Variants in TOX observed in about 807,000 individuals in gnomAD.
TOX encodes thymocyte selection associated high mobility group box, also known as thymocyte selection-associated high mobility group box protein TOX.
TOX carries 11 observed loss-of-function variants against 53.7 expected under a neutral mutation model. The ratio of observed to expected loss-of-function variants is 0.20; its 90% CI spans 0.13 to 0.34. The LOEUF (loss-of-function observed/expected upper bound fraction) is 0.34, where lower values mean the gene tolerates loss of function less well. Among genes scored for constraint, TOX ranks in the 10% least tolerant of loss-of-function variants. The pLI, the probability that TOX is intolerant of heterozygous loss-of-function variation, is 1.00. For synonymous variants in TOX, 225 were observed against 245.3 expected (o/e 0.92, Z 0.77); for missense variants, 570 against 664.6 (o/e 0.86, Z 1.56).
At chr8:58,925,339 T>A (rs745894972) in intron 3 of TOX, among the ~76,000 whole-genome samples, 16 of 152,172 alleles carry the variant, frequency 1.1e-4, no homozygotes, top group Admixed American at 2.6e-4. Context: ...TTCAAGAGAA[T>A]TAAGCATTCA....
chr8:59,115,617 C>G (rs942311210), intron 1 of TOX, among the ~76,000 whole-genome samples: 3 of 152,146 alleles, frequency 2.0e-5, no homozygotes, highest in African/African-American at 4.8e-5. Context: ...CTTTCAATGT[C>G]TGAAATATAA....
chr8:58,929,744 G>A (rs1477954905), intron 3 of TOX, among the ~76,000 whole-genome samples: 3 of 152,028 alleles, frequency 2.0e-5, no homozygotes, highest in Non-Finnish European at 4.4e-5. Flanking sequence ...GGCAAGCTGA[G>A]ATATAATCAT....
intron 2 of TOX, among the ~76,000 whole-genome samples, chr8:58,947,620 A>AGG (rs1314425690): frequency 6.6e-6 from 1 of 152,210 alleles, no homozygotes; most frequent in Non-Finnish European, 1.5e-5. Context: ...AAAAAGACAC[A>AGG]GTTTGTTATA....
chr8:59,085,790 T>G (rs940018705), intron 1 of TOX, among the ~76,000 whole-genome samples: 1 of 152,146 alleles, frequency 6.6e-6, no homozygotes, highest in Admixed American at 6.5e-5. Context: ...AATCAAATGA[T>G]CCTAGCATTT....
At chr8:59,102,087 A>G (rs1344785328) in intron 1 of TOX, among the ~76,000 whole-genome samples, 1 of 152,194 alleles carries the variant, frequency 6.6e-6, no homozygotes, top group Non-Finnish European at 1.5e-5. Flanking sequence ...TTTGCAAAAG[A>G]AAGAGGTTTA....
At chr8:59,077,137 G>T (rs1285551114) in intron 1 of TOX, among the ~76,000 whole-genome samples, 1 of 152,218 alleles carries the variant, frequency 6.6e-6, no homozygotes, top group African/African-American at 2.4e-5. Context: ...AGGCAGCTCT[G>T]CTCTGGGATG....
At chr8:58,850,639 T>C (rs1486678886) in intron 4 of TOX, among the ~76,000 whole-genome samples, 2 of 152,180 alleles carry the variant, frequency 1.3e-5, no homozygotes, top group Non-Finnish European at 2.9e-5. Flanking sequence ...CTGCAATCTC[T>C]AAAAATTAGC....
At chr8:59,076,664 A>T (rs1017908451) in intron 1 of TOX, among the ~76,000 whole-genome samples, 1 of 152,086 alleles carries the variant, frequency 6.6e-6, no homozygotes, top group Non-Finnish European at 1.5e-5. Flanking sequence ...TTTTATGCTA[A>T]TTTTTTTGCA....
At chr8:59,095,536 A>T (rs1804699626) in intron 1 of TOX, among the ~76,000 whole-genome samples, 1 of 151,868 alleles carries the variant, frequency 6.6e-6, no homozygotes, top group African/African-American at 2.4e-5. Context: ...CCTCCCAAGT[A>T]GCTGGGATTA....
chr8:59,078,279 G>C (rs1004209990), intron 1 of TOX, among the ~76,000 whole-genome samples: 1 of 152,146 alleles, frequency 6.6e-6, no homozygotes, highest in African/African-American at 2.4e-5. Context: ...GGACAGCATC[G>C]AGGCAGTTTG....
At chr8:59,108,847 A>ACACTATGC (rs368749050) in intron 1 of TOX, among the ~76,000 whole-genome samples, 15 of 152,308 alleles carry the variant, frequency 9.8e-5, no homozygotes, top group African/African-American at 3.6e-4. Flanking sequence ...AACTACACCA[A>ACACTATGC]CACTATGCCT....
At chr8:59,035,941 C>T (rs1814450255) in intron 1 of TOX, among the ~76,000 whole-genome samples, 1 of 152,222 alleles carries the variant, frequency 6.6e-6, no homozygotes, top group Non-Finnish European at 1.5e-5. Context: ...CTATTATCCT[C>T]ACTTTACAGA....
chr8:58,978,593 C>T (rs1429964509), intron 1 of TOX, among the ~76,000 whole-genome samples: 1 of 152,162 alleles, frequency 6.6e-6, no homozygotes, highest in East Asian at 1.9e-4. Flanking sequence ...AAAATCTACA[C>T]TTTAAGAGCA....
At chr8:59,078,796 G>A (rs1038843624) in intron 1 of TOX, among the ~76,000 whole-genome samples, 2 of 152,164 alleles carry the variant, frequency 1.3e-5, no homozygotes, top group African/African-American at 4.8e-5. Flanking sequence ...GAAGAAGACA[G>A]GAAGATGAAG....
chr8:58,946,145 A>G (rs1812519786), intron 2 of TOX, among the ~76,000 whole-genome samples: 1 of 152,216 alleles, frequency 6.6e-6, no homozygotes, highest in Admixed American at 6.5e-5. Flanking sequence ...AATCTGTAAC[A>G]TAATTCCTGA....
At chr8:59,093,752 T>C (rs1202783372) in intron 1 of TOX, among the ~76,000 whole-genome samples, 1 of 152,236 alleles carries the variant, frequency 6.6e-6, no homozygotes, top group African/African-American at 2.4e-5. Flanking sequence ...ATTTGATAAC[T>C]TGATTGTTGA....
chr8:59,049,692 G>A (rs1393258332), intron 1 of TOX, among the ~76,000 whole-genome samples: 3 of 152,058 alleles, frequency 2.0e-5, no homozygotes, highest in African/African-American at 4.8e-5. Flanking sequence ...GATTTCAATA[G>A]GATTTTAAAC....
At chr8:59,080,469 C>G (rs552970356) in intron 1 of TOX, among the ~76,000 whole-genome samples, 1 of 152,234 alleles carries the variant, frequency 6.6e-6, no homozygotes, top group African/African-American at 2.4e-5. Context: ...TGAGTTAAGA[C>G]TTTTGGGGAC....
rs184235210 is a variant in TOX, at chr8:58,988,842, G to C, written c.103-28834C>G. Among the ~76,000 whole-genome samples the C allele has an allele frequency of 7.7e-4, 118 of 152,270 alleles. 1 individual carries two copies. In the South Asian group the frequency reaches 8.1e-3, roughly 10 times the overall value. ...TGTACATGCCTAGAGCCAAACCAAT[G>C]GTCAGGTAGTTGGTCCTCTTCTGCA... On this transcript the variant is annotated intron_variant, in intron 1 of 8. Coordinates refer to ENST00000361421, the MANE Select transcript of TOX (RefSeq NM_014729.3).
Sources: allele counts gnomAD v4.1 joint callset (sites outside exome capture counted in the v4.1 genomes callset), GRCh38; gene constraint gnomAD v4.1.1; transcripts MANE v1.5; gene names NCBI Gene and HGNC (gene_info 2026-07-23, HGNC 2026-07-21).